Variants in C10orf90 observed in about 807,000 individuals in gnomAD.
The protein encoded by C10orf90 is chromosome 10 open reading frame 90, also known as (E2-independent) E3 ubiquitin-conjugating enzyme FATS.
Under a neutral mutation model 62.5 loss-of-function variants are expected in C10orf90, and 56 were observed. The observed-to-expected ratio is 0.90, with a 90% CI of 0.72 to 1.12. The LOEUF is 1.12. Ranked by LOEUF, C10orf90 falls within the 50% of genes most tolerant of loss-of-function variation. The pLI, the probability that C10orf90 is intolerant of heterozygous loss-of-function variation, is 0.00. For missense variants in C10orf90, 970 were observed against 880.4 expected, an observed-to-expected ratio of 1.10 and a Z score of -1.29; for synonymous variants, 386 against 340.4, an observed-to-expected ratio of 1.13 and a Z score of -1.47.
chr10:126,459,028 C>T lies in C10orf90; in HGVS notation c.2188+12G>A, dbSNP rs1859772224. ...GGTCTTTTCCAGTCTCCACAAGCCA[C>T]CTGCAGCTTACCACTCAGAGGATGG... On this transcript the variant is annotated intron_variant, in intron 7 of 9. Transcript: ENST00000488181. The T allele has an allele frequency of 1.2e-6, 2 of 1,608,326 alleles. No homozygotes were observed. The highest frequency in any genetic ancestry group is 2.1e-4 in the Middle Eastern group (1 of 4,660).
chr10:126,490,006 A>ATATAT (rs1554897519), intron 4 of C10orf90, among the ~76,000 whole-genome samples: 10 of 84,576 alleles, frequency 1.2e-4, no homozygotes, highest in South Asian at 1.1e-3. Flanking sequence ...ATTATATATT[A>ATATAT]TATATATTAT....
At position 126,503,940 on chromosome 10, in the gene C10orf90, A is replaced by G. The variant is rs182812348; in HGVS notation, c.1534+17T>C. On this transcript the variant is annotated intron_variant, in intron 4 of 9. Coordinates refer to ENST00000488181, the MANE Select transcript of C10orf90 (RefSeq NM_001350921.2). The stretch of plus-strand genomic sequence containing the variant: ...ATTTACTCAGGTCACCCTCCTGCAG[A>G]TGGACGCACCACTCACCTGCCCTGT... The G allele has an allele frequency of 2.5e-6, 4 of 1,593,982 alleles. No homozygotes were observed. In the East Asian group the frequency reaches 9.0e-5, roughly 36 times the overall value.
chr10:126,624,396 A>G lies in C10orf90; in HGVS notation c.313+22169T>C, dbSNP rs546561703. On this transcript the variant is annotated intron_variant, in intron 2 of 9. Transcript: ENST00000488181. The stretch of plus-strand genomic sequence containing the variant: ...CTGAGGTTTTGTGAATGCTGGCATT[A>G]GAGGATGATGACGAGATAGTACAAC... 3.9e-5 allele frequency among the ~76,000 whole-genome samples: 6 copies of G among 152,238 alleles called. No individual in the cohort carries two copies. The South Asian group carries it at 1.2e-3, about 32-fold the overall frequency.
At chr10:126,633,504 C>T (rs116740453) in intron 2 of C10orf90, among the ~76,000 whole-genome samples, 3,336 of 152,294 alleles carry the variant, frequency 0.022, 128 homozygotes, top group African/African-American at 0.073. Flanking sequence ...AAGGAGGCTC[C>T]GTGGCAAGCT....
intron 2 of C10orf90, among the ~76,000 whole-genome samples, chr10:126,594,005 C>T (rs924296566): frequency 6.6e-6 from 1 of 151,806 alleles, no homozygotes; most frequent in Non-Finnish European, 1.5e-5. Flanking sequence ...AGGATCAGCC[C>T]AGGGAGGGAA....
At chr10:126,552,712 C>T (rs1239800652) in intron 2 of C10orf90, among the ~76,000 whole-genome samples, 3 of 152,230 alleles carry the variant, frequency 2.0e-5, no homozygotes, top group African/African-American at 7.2e-5. Flanking sequence ...CAGTACCTGC[C>T]GCGCATATGC....
chr10:126,666,979 C>CA (rs566799621), intron 1 of C10orf90, among the ~76,000 whole-genome samples: 208 of 136,264 alleles, frequency 1.5e-3, no homozygotes, highest in Non-Finnish European at 1.6e-3. Flanking sequence ...GACCCTGTCT[C>CA]AAAAAAAAAA....
chr10:126,496,752 A>G, intron 4 of C10orf90: 2 of 970,206 alleles, frequency 2.1e-6, no homozygotes, highest in Non-Finnish European at 2.5e-6. Context: ...GGAAGGAAAC[A>G]CATCAAGCAC....
At chr10:126,642,193 A>G (rs558399708) in intron 2 of C10orf90, among the ~76,000 whole-genome samples, 1 of 152,324 alleles carries the variant, frequency 6.6e-6, no homozygotes, top group African/African-American at 2.4e-5. Context: ...TCCAAAGATG[A>G]ATCGCTAATT....
chr10:126,563,552 G>C (rs1864951643), intron 2 of C10orf90, among the ~76,000 whole-genome samples: 1 of 152,140 alleles, frequency 6.6e-6, no homozygotes, highest in Admixed American at 6.5e-5. Flanking sequence ...GGATTCAAGG[G>C]GATTATTTGT....
intron 2 of C10orf90, among the ~76,000 whole-genome samples, chr10:126,641,843 C>T (rs1846064675): frequency 6.6e-6 from 1 of 152,150 alleles, no homozygotes. Context: ...ATCTTTTACA[C>T]AGGCCAACAG....
At chr10:126,605,525 G>C (rs981209104) in intron 2 of C10orf90, among the ~76,000 whole-genome samples, 1 of 152,220 alleles carries the variant, frequency 6.6e-6, no homozygotes, top group Non-Finnish European at 1.5e-5. Context: ...CTGTGGAAGT[G>C]GTCCTGGCAA....
chr10:126,461,827 G>A (rs769818608), intron 5 of C10orf90, among the ~76,000 whole-genome samples: 15 of 152,246 alleles, frequency 9.9e-5, no homozygotes, highest in Non-Finnish European at 1.8e-4. Flanking sequence ...GAGGTATTCC[G>A]TAGGCTTCTG....
In C10orf90 at chr10:126,504,626, A is replaced by G. The variant is rs769435806; in HGVS notation, c.865T>C (p.Ser289Pro). 6.2e-7 allele frequency: 1 copy of G among 1,614,158 alleles called. No homozygotes were observed. ...NGAHPGRHQR[S>P]FACTEFSRNS... ...CTGGAGAACTCTGTGCAGGCAAAAGATCTCTGATGCCGACCTGGATGGGCG... is the reference window on the plus strand; with the variant it reads ...CTGGAGAACTCTGTGCAGGCAAAAGGTCTCTGATGCCGACCTGGATGGGCG... Residue 289 changes from serine to proline, a missense_variant, in exon 4 of 10, where the codon TCT becomes CCT. Transcript: ENST00000488181. This position sits in a 1 kb window ranked among gnomAD's most constrained non-coding sequence, Gnocchi z 4.1.
At chr10:126,484,857 T>C (rs1474913488) in intron 4 of C10orf90, among the ~76,000 whole-genome samples, 1 of 152,230 alleles carries the variant, frequency 6.6e-6, no homozygotes, top group Admixed American at 6.5e-5. Flanking sequence ...CATATCATCA[T>C]ATGATCTGAA....
At chr10:126,558,849 C>G (rs1864837491) in intron 2 of C10orf90, among the ~76,000 whole-genome samples, 1 of 152,224 alleles carries the variant, frequency 6.6e-6, no homozygotes, top group African/African-American at 2.4e-5. Flanking sequence ...TCCCCAGGGC[C>G]CAGCTCAGTG....
chr10:126,541,321 T>C (rs894522982), intron 2 of C10orf90, among the ~76,000 whole-genome samples: 1 of 152,034 alleles, frequency 6.6e-6, no homozygotes, highest in Non-Finnish European at 1.5e-5. Context: ...TCTTTAGCAA[T>C]TGGATAAATA....
intron 2 of C10orf90, among the ~76,000 whole-genome samples, chr10:126,558,544 T>C (rs7916130): frequency 0.27 from 41,533 of 152,060 alleles, 6,114 homozygotes; most frequent in East Asian, 0.38. Context: ...CTGCCTTTCC[T>C]CGCCTGGGCA....
chr10:126,430,365 C>A (rs1208817554), intron 7 of C10orf90, among the ~76,000 whole-genome samples: 1 of 152,170 alleles, frequency 6.6e-6, no homozygotes, highest in Non-Finnish European at 1.5e-5. Flanking sequence ...AGGTAATGAA[C>A]AACAACATAA....
Sources: allele counts gnomAD v4.1 joint callset (sites outside exome capture counted in the v4.1 genomes callset), GRCh38; gene constraint gnomAD v4.1.1; non-coding constraint Gnocchi (gnomAD v3.1); transcripts MANE v1.5; gene names NCBI Gene and HGNC (gene_info 2026-07-23, HGNC 2026-07-21).